FOXN3: variants seen among roughly 807,000 people sequenced by gnomAD.
FOXN3 encodes the protein forkhead box N3.
In FOXN3, 7 loss-of-function variants were observed where a neutral mutation model predicts 38.4. The observed-to-expected ratio is 0.18, with a 90% CI of 0.10 to 0.34. The LOEUF (loss-of-function observed/expected upper bound fraction) is 0.34. FOXN3 is among the 10% of genes least tolerant of loss of function. The pLI is 1.00. For synonymous variants in FOXN3, 230 were observed against 242.2 expected (o/e 0.95, Z 0.47); for missense variants, 456 against 613.4 (o/e 0.74, Z 2.71).
At chr14:89,197,597 G>A (rs559634244) in intron 4 of FOXN3, among the ~76,000 whole-genome samples, 1 of 152,284 alleles carries the variant, frequency 6.6e-6, no homozygotes, top group South Asian at 2.1e-4. Flanking sequence ...CAGAGTGCTG[G>A]ATAGTTAGTG....
At chr14:89,419,225 T>G (rs992294660), upstream of FOXN3, 2 of 455,924 alleles carry the variant, frequency 4.4e-6, no homozygotes, top group African/African-American at 4.0e-5. Flanking sequence ...CTGCCTGATG[T>G]GGACAGCAGG....
chr14:89,606,569 G>C, intron 1 of FOXN3, among the ~76,000 whole-genome samples: 1 of 152,322 alleles, frequency 6.6e-6, no homozygotes, highest in Non-Finnish European at 1.5e-5. Context: ...TAAAACTGTA[G>C]CCGGGCGCAG....
intron 3 of FOXN3, among the ~76,000 whole-genome samples, chr14:89,304,301 G>C (rs1206906291): frequency 6.6e-6 from 1 of 152,108 alleles, no homozygotes; most frequent in Non-Finnish European, 1.5e-5. Flanking sequence ...GCTGGAGCCC[G>C]GGAAGGGGCG....
chr14:89,309,681 C>A (rs898365046), intron 3 of FOXN3, among the ~76,000 whole-genome samples: 7 of 152,138 alleles, frequency 4.6e-5, no homozygotes, highest in African/African-American at 1.7e-4. Flanking sequence ...CAGCCAAGGC[C>A]CGGCCTCTAC....
chr14:89,449,128 C>G (rs1892567050), intron 1 of FOXN3, among the ~76,000 whole-genome samples: 1 of 152,156 alleles, frequency 6.6e-6, no homozygotes, highest in Non-Finnish European at 1.5e-5. Context: ...TTCATGTGTT[C>G]TGACAGACAA....
chr14:89,352,310 A>G (rs1168869106), intron 2 of FOXN3, among the ~76,000 whole-genome samples: 1 of 152,230 alleles, frequency 6.6e-6, no homozygotes, highest in Non-Finnish European at 1.5e-5. Context: ...AGAATAGTTC[A>G]GGGGGAGCAG....
chr14:89,491,400 G>A (rs769445922), intron 1 of FOXN3, among the ~76,000 whole-genome samples: 5 of 152,242 alleles, frequency 3.3e-5, no homozygotes, highest in African/African-American at 1.2e-4. Flanking sequence ...TACAGAGGAA[G>A]CAGAATTTAA....
At position 89,394,268 on chromosome 14, in the gene FOXN3, G is replaced by A. The variant is rs1017500393; in HGVS notation, c.543+17666C>T. Reference sequence around the variant, plus strand: ...GTTTCACTCTTGTTGCCCAGGCTGGGGTGCAACTCACTGAAACCTCTGCCT... The same window carrying A: ...GTTTCACTCTTGTTGCCCAGGCTGGAGTGCAACTCACTGAAACCTCTGCCT... On this transcript the variant is annotated intron_variant, in intron 2 of 5. Transcript: ENST00000557258. 1.3e-4 allele frequency among the ~76,000 whole-genome samples: 19 copies of A among 148,690 alleles called. No individual in the cohort carries two copies. In the South Asian group the frequency reaches 4.1e-3, roughly 32 times the overall value.
chr14:89,265,797 T>C (rs1885961538), intron 4 of FOXN3, among the ~76,000 whole-genome samples: 1 of 152,210 alleles, frequency 6.6e-6, no homozygotes, highest in Non-Finnish European at 1.5e-5. Flanking sequence ...ATTGCTATTA[T>C]TCATGGGTGT....
chr14:89,162,248 A>C lies in FOXN3; in HGVS notation c.*166T>G. ...AATTCTTAAGGGTCCAAAACAAAGAAGAGGGGGCAAATTAAAACAAAATAA... is the reference window on the plus strand; with the variant it reads ...AATTCTTAAGGGTCCAAAACAAAGACGAGGGGGCAAATTAAAACAAAATAA... On this transcript the variant is annotated 3_prime_UTR_variant, in exon 6 of 6. Transcript: ENST00000557258. The surrounding 1 kb of genome is among the most constrained non-coding windows in gnomAD (Gnocchi z 7.2). The C allele has an allele frequency of 1.8e-6, 1 of 569,962 alleles. No homozygotes were observed. Among genetic ancestry groups the C allele is most frequent in the Non-Finnish European group, 2.9e-6 (1 of 340,598 alleles). 35.3% of individuals were successfully genotyped at this position (569,962 alleles called of 1,614,324 possible). A position where few individuals can be genotyped will look rare whatever the true frequency, so the allele number is the denominator to read the frequency against.
At chr14:89,558,592 T>C (rs1002685045) in intron 1 of FOXN3, among the ~76,000 whole-genome samples, 1 of 152,230 alleles carries the variant, frequency 6.6e-6, no homozygotes, top group African/African-American at 2.4e-5. Flanking sequence ...GAACTGAGAC[T>C]CAAGGTCAAG....
At chr14:89,606,913 A>G (rs75059826) in intron 1 of FOXN3, among the ~76,000 whole-genome samples, 1 of 152,308 alleles carries the variant, frequency 6.6e-6, no homozygotes, top group East Asian at 1.9e-4. Context: ...ACAAAAAACA[A>G]TTCTGGCTTG....
At chr14:89,465,162 A>T (rs181842898) in intron 1 of FOXN3, among the ~76,000 whole-genome samples, 12 of 152,320 alleles carry the variant, frequency 7.9e-5, no homozygotes, top group Admixed American at 6.5e-4. Flanking sequence ...CCAGCCATGC[A>T]GAACTGTGAG....
intron 3 of FOXN3, among the ~76,000 whole-genome samples, chr14:89,285,151 A>C (rs760327290): frequency 6.6e-6 from 1 of 152,186 alleles, no homozygotes; most frequent in African/African-American, 2.4e-5. Flanking sequence ...CTTTCTGTGG[A>C]TCTCAATGAG....
At chr14:89,533,718 C>T (rs1056804807) in intron 1 of FOXN3, among the ~76,000 whole-genome samples, 1 of 143,316 alleles carries the variant, frequency 7.0e-6, no homozygotes, top group African/African-American at 2.6e-5. Flanking sequence ...AAGGTGAAAG[C>T]TTATTATCAG....
At chr14:89,271,631 CTT>C (rs1003270658) in intron 4 of FOXN3, among the ~76,000 whole-genome samples, 1 of 152,154 alleles carries the variant, frequency 6.6e-6, no homozygotes, top group African/African-American at 2.4e-5. Context: ...CTGTGTTAAT[CTT>C]TGAATGACTA....
chr14:89,619,080 G>A (rs528536694), exon 1 of FOXN3: 10 of 152,370 alleles, frequency 6.6e-5, no homozygotes, highest in African/African-American at 2.4e-4. Flanking sequence ...GGGGGCTGCG[G>A]CGACGCTGGA....
intron 4 of FOXN3, among the ~76,000 whole-genome samples, chr14:89,190,128 C>T (rs558580189): frequency 6.6e-6 from 1 of 152,328 alleles, no homozygotes; most frequent in Admixed American, 6.5e-5. Context: ...GATCTGTTTC[C>T]CTTTCCCCAA....
At chr14:89,496,091 TA>T (rs1160990148) in intron 1 of FOXN3, among the ~76,000 whole-genome samples, 1 of 152,092 alleles carries the variant, frequency 6.6e-6, no homozygotes, top group Admixed American at 6.5e-5. Context: ...CAGGCACCTG[TA>T]ATCCCAGCTA....
Sources: gnomAD v4.1 joint callset for allele counts (sites outside exome capture counted in the v4.1 genomes callset) on GRCh38, gnomAD v4.1.1 for gene constraint, Gnocchi (gnomAD v3.1) non-coding constraint, MANE v1.5 for transcripts, NCBI Gene and HGNC (gene_info 2026-07-23, HGNC 2026-07-21) for gene names.